The following GLI2 variants were observed in gnomAD, a reference collection of about 807,000 sequenced individuals.
The protein encoded by GLI2 is transcription activator GLI2.
In GLI2, 22 loss-of-function variants were observed where a neutral mutation model predicts 78.9. The ratio of observed to expected loss-of-function variants is 0.28; its 90% CI spans 0.20 to 0.40. The LOEUF (loss-of-function observed/expected upper bound fraction) is 0.40. GLI2 is among the 10% of genes least tolerant of loss of function. GLI2 has a pLI of 1.00. For missense variants in GLI2, 2,097 were observed against 2,213.2 expected (o/e 0.95, Z 1.05); for synonymous variants, 974 against 963.7 (o/e 1.01, Z -0.20).
At chr2:120,754,162 T>C (rs1682969847) in intron 1 of GLI2, among the ~76,000 whole-genome samples, 1 of 152,132 alleles carries the variant, frequency 6.6e-6, no homozygotes, top group Admixed American at 6.5e-5. Flanking sequence ...TAGACAGATA[T>C]TGGTAAATCA....
intron 2 of GLI2, among the ~76,000 whole-genome samples, chr2:120,859,032 C>A (rs935645400): frequency 1.3e-5 from 2 of 152,062 alleles, no homozygotes; most frequent in African/African-American, 2.4e-5. Context: ...GGTGCCCCCT[C>A]CCCTCGACCT....
At chr2:120,983,605 T>C (rs280197) in intron 11 of GLI2, among the ~76,000 whole-genome samples, 142,376 of 152,266 alleles carry the variant, frequency 0.94, 67,314 homozygotes, top group Non-Finnish European at 1. Flanking sequence ...CCCCAGCAGA[T>C]GGGGCACAGA....
chr2:120,861,926 G>A (rs533326563), intron 2 of GLI2, among the ~76,000 whole-genome samples: 2 of 152,266 alleles, frequency 1.3e-5, no homozygotes, highest in South Asian at 4.2e-4. Flanking sequence ...TGAGATGATC[G>A]CTTGTCATTT....
chr2:120,952,726 C>G (rs1281332399), intron 4 of GLI2, among the ~76,000 whole-genome samples: 1 of 152,242 alleles, frequency 6.6e-6, no homozygotes, highest in East Asian at 1.9e-4. Flanking sequence ...CCTGTGTGGC[C>G]TTGACCAAGC....
At chr2:120,774,461 C>T (rs745433257) in intron 1 of GLI2, among the ~76,000 whole-genome samples, 13 of 152,184 alleles carry the variant, frequency 8.5e-5, no homozygotes, top group Non-Finnish European at 1.3e-4. Context: ...AAACCCTATA[C>T]CCATTAGCAG....
intron 10 of GLI2, 149 bp downstream of exon 10, chr2:120,978,732 C>G (rs1682579766): frequency 2.3e-6 from 2 of 881,730 alleles, no homozygotes; most frequent in Admixed American, 4.6e-5. Context: ...CTGTTCCCAC[C>G]CTGCCTGTTT....
intron 5 of GLI2, among the ~76,000 whole-genome samples, chr2:120,956,880 C>T (rs919505296): frequency 5.3e-5 from 8 of 152,136 alleles, no homozygotes; most frequent in African/African-American, 1.9e-4. Flanking sequence ...GCCCCCAGGG[C>T]TCTGTTCCAG....
chr2:120,969,934 A>G (rs1285274687), intron 6 of GLI2, among the ~76,000 whole-genome samples: 2 of 152,160 alleles, frequency 1.3e-5, no homozygotes, highest in Admixed American at 6.5e-5. Context: ...CTCTTATGCA[A>G]GTGGTGTGAC....
At chr2:120,830,566 C>A (rs759946907) in intron 2 of GLI2, among the ~76,000 whole-genome samples, 8 of 152,228 alleles carry the variant, frequency 5.3e-5, no homozygotes, top group African/African-American at 1.2e-4. Flanking sequence ...GTAATGTGTT[C>A]CCCAAACAGC....
At chr2:120,918,555 C>T (rs904897318) in intron 2 of GLI2, among the ~76,000 whole-genome samples, 1 of 151,934 alleles carries the variant, frequency 6.6e-6, no homozygotes, top group Non-Finnish European at 1.5e-5. Flanking sequence ...ATTCTCCTGC[C>T]TCAGCCTCTC....
At chr2:120,795,787 C>T (rs1448978318) in intron 1 of GLI2, among the ~76,000 whole-genome samples, 2 of 152,022 alleles carry the variant, frequency 1.3e-5, no homozygotes, top group Non-Finnish European at 2.9e-5. Context: ...CGGTGGCTCA[C>T]GCCTGTAATC....
chr2:120,841,981 A>C (rs937652721), intron 2 of GLI2, among the ~76,000 whole-genome samples: 1 of 146,108 alleles, frequency 6.8e-6, no homozygotes, highest in East Asian at 2.0e-4. Context: ...GCTTTTGGTA[A>C]GTTTTTTTTA....
At chr2:120,808,475 G>A (rs2121990) in intron 2 of GLI2, among the ~76,000 whole-genome samples, 1,761 of 152,288 alleles carry the variant, frequency 0.012, 36 homozygotes, top group African/African-American at 0.041. Context: ...CCTGTGCCTG[G>A]GGAAGCTCAC....
chr2:120,795,980 G>A (rs1311353364), intron 1 of GLI2, among the ~76,000 whole-genome samples: 1 of 152,154 alleles, frequency 6.6e-6, no homozygotes, highest in African/African-American at 2.4e-5. Flanking sequence ...GGAGGCAGAG[G>A]TTGCGGTGAG....
rs777165274 is a variant in GLI2 at position 120,988,851 on chromosome 2, G to A, written c.2886G>A (p.Leu962=). 6.8e-5 allele frequency: 101 copies of A among 1,490,040 alleles called. No individual in the cohort carries two copies. The Middle Eastern group carries it at 9.4e-4, about 14-fold the overall frequency. 92.3% of individuals were successfully genotyped at this position (1,490,040 alleles called of 1,614,324 possible). A position where few individuals can be genotyped will look rare whatever the true frequency, so the allele number is the denominator to read the frequency against. The change falls in exon 14 of 14, where the codon CTG becomes CTA. Residue 962 remains leucine, a synonymous_variant. Coordinates refer to ENST00000361492, the MANE Select transcript of GLI2 (RefSeq NM_001374353.1). ...ACCCTGTGCGGCGGCCCGATGCCCTGTCCCTGCCGCGGGTGCAGCGCTTCC... is the reference window on the plus strand; with the variant it reads ...ACCCTGTGCGGCGGCCCGATGCCCTATCCCTGCCGCGGGTGCAGCGCTTCC... ...ASDPVRRPDA[L]SLPRVQRFHS...
intron 2 of GLI2, among the ~76,000 whole-genome samples, chr2:120,905,873 C>T (rs925967996): frequency 1.3e-5 from 2 of 151,860 alleles, no homozygotes; most frequent in Admixed American, 6.6e-5. Context: ...CACTGCCCCC[C>T]CCCCGCCCCC....
Position 120,990,164 on chromosome 2 carries a change from C to T in GLI2, c.4199C>T (p.Pro1400Leu). Reference sequence around the variant, plus strand: ...AGTCAGGAAACAGCAGAGGCTGTGCCCAAGGGAGCGATGGGCAACATGGGG... The same window carrying T: ...AGTCAGGAAACAGCAGAGGCTGTGCTCAAGGGAGCGATGGGCAACATGGGG... ...PSSQETAEAV[P>L]KGAMGNMGSV... The change falls in exon 14 of 14, where the codon CCC becomes CTC. Residue 1400 changes from proline (P) to leucine (L), a missense_variant. By Grantham distance (98) the Pro-to-Leu change is moderately conservative (BLOSUM62 -3). This residue lies in a region of GLI2 where 1,290 missense variants were observed against 1,261.7 expected (regional missense o/e 1.02). Transcript: ENST00000361492. 2.5e-6 allele frequency: 4 copies of T among 1,612,594 alleles called. No homozygotes were observed. The highest frequency in any genetic ancestry group is 3.4e-6 in the Non-Finnish European group (4 of 1,179,506).
At chr2:120,789,944 C>T (rs1684098910) in intron 1 of GLI2, among the ~76,000 whole-genome samples, 1 of 152,220 alleles carries the variant, frequency 6.6e-6, no homozygotes, top group Admixed American at 6.5e-5. Flanking sequence ...AGGAGAGGAG[C>T]TAGCCAGCTC....
At chr2:120,883,790 A>G (rs1677266123) in intron 2 of GLI2, among the ~76,000 whole-genome samples, 1 of 152,192 alleles carries the variant, frequency 6.6e-6, no homozygotes, top group African/African-American at 2.4e-5. Context: ...TTGCAATGAT[A>G]GGTAGCCTCT....
Sources: allele counts gnomAD v4.1 joint callset (sites outside exome capture counted in the v4.1 genomes callset), GRCh38; gene constraint gnomAD v4.1.1; regional missense constraint gnomAD v4.1.1; transcripts MANE v1.5; gene names NCBI Gene and HGNC (gene_info 2026-07-23, HGNC 2026-07-21).